MTCL2: variants seen among roughly 807,000 people sequenced by gnomAD.
The protein encoded by MTCL2 is microtubule cross-linking factor 2.
At chr20:36,841,902 T>G in the MTCL2 span, among the ~76,000 whole-genome samples, 1 of 151,148 alleles carries the variant, frequency 6.6e-6, no homozygotes, top group East Asian at 2.0e-4. Flanking sequence ...TGTGTGTGTG[T>G]GTGTGTGTGT....
chr20:36,804,737 G>A, the MTCL2 span: 1 of 1,613,254 alleles, frequency 6.2e-7, no homozygotes, highest in Non-Finnish European at 8.5e-7. Flanking sequence ...GGGCTCACCT[G>A]GGAGGTATGG....
chr20:36,796,585 A>G, the MTCL2 span, among the ~76,000 whole-genome samples: 1 of 152,208 alleles, frequency 6.6e-6, no homozygotes, highest in African/African-American at 2.4e-5. Flanking sequence ...TCCCAAGAGG[A>G]GCAAAATGTT....
chr20:36,799,907 T>A, the MTCL2 span, among the ~76,000 whole-genome samples: 1 of 152,182 alleles, frequency 6.6e-6, no homozygotes, highest in Admixed American at 6.5e-5. Flanking sequence ...AGAATGGTCA[T>A]CCTTATTTTA....
At chr20:36,845,642 C>T in the MTCL2 span, among the ~76,000 whole-genome samples, 3 of 152,336 alleles carry the variant, frequency 2.0e-5, no homozygotes, top group South Asian at 4.1e-4. Flanking sequence ...GGGCGCTGGG[C>T]TTTCCGGGCC....
At chr20:36,842,637 T>C in the MTCL2 span, among the ~76,000 whole-genome samples, 1 of 152,098 alleles carries the variant, frequency 6.6e-6, no homozygotes, top group African/African-American at 2.4e-5. Flanking sequence ...CCAGGCATGG[T>C]GGTGGGCACC....
At chr20:36,831,683 G>A in the MTCL2 span, among the ~76,000 whole-genome samples, 1 of 152,164 alleles carries the variant, frequency 6.6e-6, no homozygotes, top group African/African-American at 2.4e-5. Context: ...AGCCAGGAGC[G>A]GGCCCATGAG....
At chr20:36,793,769 T>C in the MTCL2 span, 10 of 1,541,340 alleles carry the variant, frequency 6.5e-6, no homozygotes, top group Middle Eastern at 1.7e-4. This position sits in a 1 kb window ranked among gnomAD's most constrained non-coding sequence, Gnocchi z 6.8. Context: ...TGAGCCATAC[T>C]TGGGGGAGCA....
the MTCL2 span, among the ~76,000 whole-genome samples, chr20:36,787,885 GAAA>G: frequency 3.7e-5 from 2 of 54,536 alleles, no homozygotes; most frequent in Admixed American, 2.4e-4. Context: ...GACTCCATCT[GAAA>G]AAAAAAAAAA....
At chr20:36,839,132 C>A in the MTCL2 span, 1 of 1,319,848 alleles carries the variant, frequency 7.6e-7, no homozygotes, top group Non-Finnish European at 1.0e-6. The surrounding 1 kb of genome is among the most constrained non-coding windows in gnomAD (Gnocchi z 5.1). Context: ...CATGGACACA[C>A]GGAAATGAGA....
the MTCL2 span, among the ~76,000 whole-genome samples, chr20:36,806,315 G>C: frequency 6.6e-6 from 1 of 152,154 alleles, no homozygotes; most frequent in Non-Finnish European, 1.5e-5. Context: ...AGGAGATCAG[G>C]GACCTAGTTC....
At chr20:36,836,995 G>A in the MTCL2 span, among the ~76,000 whole-genome samples, 4 of 152,214 alleles carry the variant, frequency 2.6e-5, no homozygotes, top group African/African-American at 9.7e-5. Context: ...AAAGGCTATA[G>A]GGCTTGAGTT....
At chr20:36,786,449 G>A in the MTCL2 span, 2 of 1,513,240 alleles carry the variant, frequency 1.3e-6, no homozygotes, top group South Asian at 1.3e-5. Flanking sequence ...CTATCCAGGG[G>A]CTGGGCTGGT....
the MTCL2 span, chr20:36,862,915 C>A: frequency 7.7e-7 from 1 of 1,307,044 alleles, no homozygotes; most frequent in East Asian, 3.7e-5. Context: ...GCGGACTCGG[C>A]GTCGCTGCTC....
chr20:36,784,289 C>A, the MTCL2 span: 3 of 985,928 alleles, frequency 3.0e-6, no homozygotes, highest in Non-Finnish European at 3.6e-6. Flanking sequence ...TGGCTGCCTG[C>A]TCTGCCCACA....
At chr20:36,783,851 A>T in the MTCL2 span, 2 of 985,452 alleles carry the variant, frequency 2.0e-6, no homozygotes, top group Non-Finnish European at 2.4e-6. Flanking sequence ...GTTACCAAGT[A>T]AAATGCTAAA....
At chr20:36,793,300 C>T in the MTCL2 span, 1 of 1,551,860 alleles carries the variant, frequency 6.4e-7, no homozygotes, top group Non-Finnish European at 8.7e-7. The surrounding 1 kb of genome is among the most constrained non-coding windows in gnomAD (Gnocchi z 6.8). Flanking sequence ...CACCATCCTT[C>T]CCCACCTGGG....
chr20:36,784,986 G>A, the MTCL2 span: 2 of 985,388 alleles, frequency 2.0e-6, no homozygotes, highest in African/African-American at 1.7e-5. Context: ...TTCGACTCAT[G>A]AAGAAAGGTG....
At chr20:36,793,840 C>T in the MTCL2 span, 5 of 1,545,248 alleles carry the variant, frequency 3.2e-6, no homozygotes, top group African/African-American at 1.4e-5. This position sits in a 1 kb window ranked among gnomAD's most constrained non-coding sequence, Gnocchi z 6.8. Flanking sequence ...GCTTGCTGCG[C>T]ACAGACACGA....
chr20:36,786,466 G>A, the MTCL2 span: 96 of 1,518,792 alleles, frequency 6.3e-5, no homozygotes, highest in Non-Finnish European at 7.3e-5. Context: ...TGGTTGAGGC[G>A]GGGAGCTTGG....
Sources: allele counts gnomAD v4.1 joint callset (sites outside exome capture counted in the v4.1 genomes callset), GRCh38; gene constraint gnomAD v4.1.1; non-coding constraint Gnocchi (gnomAD v3.1); transcripts MANE v1.5; gene names NCBI Gene and HGNC (gene_info 2026-07-23, HGNC 2026-07-21).